The following DTX4 variants were observed in gnomAD, a reference collection of about 807,000 sequenced individuals.
The protein encoded by DTX4 is E3 ubiquitin-protein ligase DTX4.
In DTX4, 28 loss-of-function variants were observed where a neutral mutation model predicts 57.6. The observed-to-expected ratio is 0.49, with a 90% CI of 0.36 to 0.67. DTX4 has a LOEUF of 0.67. Ranked by LOEUF, DTX4 falls within the 30% of genes least tolerant of loss-of-function variation. DTX4 has a pLI of 0.00. For missense variants in DTX4, 715 were observed against 836.8 expected, an observed-to-expected ratio of 0.85 and a Z score of 1.80; for synonymous variants, 316 against 331.0, an observed-to-expected ratio of 0.95 and a Z score of 0.49.
intron 2 of DTX4, among the ~76,000 whole-genome samples, chr11:59,183,896 T>C (rs1319413919): frequency 6.6e-6 from 1 of 152,210 alleles, no homozygotes; most frequent in East Asian, 1.9e-4. Flanking sequence ...TACTCTGTGA[T>C]CTAAGTGTTA....
rs1862495986 is a variant in DTX4 at position 59,183,887 on chromosome 11, A to G, written c.935+1425A>G. On this transcript the variant is annotated intron_variant, in intron 2 of 8. Coordinates refer to ENST00000227451, the MANE Select transcript of DTX4 (RefSeq NM_015177.2). ...TGGCCTCTTGGCAGTGCATTCTCTT[A>G]CTCTGTGATCTAAGTGTTAAGCACA... 2.0e-5 allele frequency among the ~76,000 whole-genome samples: 3 copies of G among 152,078 alleles called. No individual in the cohort carries two copies. The South Asian group carries it at 6.2e-4, about 32-fold the overall frequency.
rs1326628911 is a variant in DTX4, at chr11:59,172,592, C to A, written c.-4C>A. On this transcript the variant is annotated 5_prime_UTR_variant, in exon 1 of 9. It introduces an in-frame stop codon into an upstream open reading frame of the 5' UTR. Coordinates refer to ENST00000227451, the MANE Select transcript of DTX4 (RefSeq NM_015177.2). Reference sequence around the variant, plus strand: ...CCGCGCAGCGCCGCAGCCCCGGGCTCGCCATGCTCCTGGCCTCGGCCGTGG... The same window carrying A: ...CCGCGCAGCGCCGCAGCCCCGGGCTAGCCATGCTCCTGGCCTCGGCCGTGG... 1.8e-5 allele frequency: 27 copies of A among 1,473,328 alleles called. No individual in the cohort carries two copies. Among genetic ancestry groups the A allele is most frequent in the Non-Finnish European group, 2.2e-5 (25 of 1,117,254 alleles). The allele number at this position is 1,473,328 out of a possible 1,614,324, so 91.3% of individuals were successfully genotyped here.
rs761725969 is a variant in DTX4, at chr11:59,182,343, C to A, written c.816C>A (p.Gly272=). ...GCATGCCCACTGGGACAACCATGGG[C>A]TCTCCTGCCAGTCCCCCAGGACCCA... ...ASSMPTGTTM[G]SPASPPGPNS... The change falls in exon 2 of 9, where the codon GGC becomes GGA. Residue 272 remains glycine, a synonymous_variant. Coordinates refer to ENST00000227451, the MANE Select transcript of DTX4 (RefSeq NM_015177.2). The A allele has an allele frequency of 6.2e-7, 1 of 1,613,116 alleles. No homozygotes were observed. The highest frequency in any genetic ancestry group is 8.5e-7 in the Non-Finnish European group (1 of 1,179,832).
chr11:59,171,809 A>G (rs1320410229), upstream of DTX4, among the ~76,000 whole-genome samples: 1 of 151,948 alleles, frequency 6.6e-6, no homozygotes, highest in East Asian at 1.9e-4. Context: ...CGCGCTGCGG[A>G]CACTGATCAT....
Position 59,201,218 on chromosome 11 carries a change from A to G in DTX4, c.1626+1445A>G, listed in dbSNP as rs1055601819. ...TATAAGGGCACTAATGTCATCCATT[A>G]GGGTTCTGCTGTCATTACCTAATCA... is the stretch of plus-strand genomic sequence containing the variant. On this transcript the variant is annotated intron_variant, in intron 8 of 8. Coordinates refer to ENST00000227451, the MANE Select transcript of DTX4 (RefSeq NM_015177.2). Among the ~76,000 whole-genome samples, 5 of 152,178 alleles carry G rather than the reference A, an allele frequency of 3.3e-5. No homozygotes were observed. In the East Asian group the frequency reaches 9.6e-4, roughly 29 times the overall value.
rs747191229 is a variant in DTX4 at position 59,182,435 on chromosome 11, C to G, written c.908C>G (p.Ala303Gly). ...NRTNLQRLAI[A>G]QSRVLIASGV... Reference sequence around the variant, plus strand: ...ACCAACCTGCAGCGACTGGCCATTGCCCAGTCCCGGGTGCTGATCGCCTCT... The same window carrying G: ...ACCAACCTGCAGCGACTGGCCATTGGCCAGTCCCGGGTGCTGATCGCCTCT... The change falls in exon 2 of 9, where the codon GCC (alanine) becomes GGC (glycine). Residue 303 changes from alanine (A) to glycine (G), a missense_variant. Coordinates refer to ENST00000227451, the MANE Select transcript of DTX4 (RefSeq NM_015177.2). The G allele has an allele frequency of 8.1e-6, 13 of 1,610,460 alleles. No individual in the cohort carries two copies. In the African/African-American group the frequency reaches 1.6e-4, roughly 20 times the overall value.
Position 59,188,790 on chromosome 11 carries a change from T to C in DTX4, c.991T>C (p.Leu331=), listed in dbSNP as rs1862559614. The part of the protein sequence containing the change: ...LNGSSPVNPA[L]AGITGILMSA... The stretch of plus-strand genomic sequence containing the variant: ...TGGGTCCAGTCCTGTCAACCCTGCC[T>C]TGGCAGGTAAGAGAAACCCCAGGAT... The change falls in exon 3 of 9, where the codon TTG becomes CTG. Residue 331 remains leucine (L), a synonymous_variant. Coordinates refer to ENST00000227451, the MANE Select transcript of DTX4 (RefSeq NM_015177.2). 2 of 1,613,702 alleles carry C rather than the reference T, an allele frequency of 1.2e-6. No individual in the cohort carries two copies. The highest frequency in any genetic ancestry group is 1.3e-5 in the African/African-American group (1 of 74,922).
chr11:59,177,990 G>A (rs1862416282), intron 1 of DTX4, among the ~76,000 whole-genome samples: 1 of 152,196 alleles, frequency 6.6e-6, no homozygotes, highest in Admixed American at 6.5e-5. Flanking sequence ...CATCAAATTA[G>A]CCACACAAAT....
At chr11:59,173,837 C>T (rs1419158077) in intron 1 of DTX4, among the ~76,000 whole-genome samples, 1 of 152,096 alleles carries the variant, frequency 6.6e-6, no homozygotes, top group African/African-American at 2.4e-5. Context: ...TTGCTCGGTC[C>T]TTGCTTAATC....
chr11:59,188,107 A>G (rs1862549545), intron 2 of DTX4, among the ~76,000 whole-genome samples: 1 of 152,162 alleles, frequency 6.6e-6, no homozygotes, highest in Non-Finnish European at 1.5e-5. Flanking sequence ...CCTTCAACAA[A>G]TATCAATTGA....
chr11:59,189,506 A>G (rs1862570539), intron 4 of DTX4, among the ~76,000 whole-genome samples, 183 bp downstream of exon 4: 1 of 152,238 alleles, frequency 6.6e-6, no homozygotes, highest in East Asian at 1.9e-4. Context: ...TATGGATCAG[A>G]TGGAAACACC....
At chr11:59,202,231 C>T (rs1862748758) in intron 8 of DTX4, among the ~76,000 whole-genome samples, 1 of 152,210 alleles carries the variant, frequency 6.6e-6, no homozygotes, top group Admixed American at 6.5e-5. Flanking sequence ...GTTCCAGGAC[C>T]CTAACCTTGG....
chr11:59,205,044 C>T lies in DTX4; in HGVS notation c.*135C>T. On this transcript the variant is annotated 3_prime_UTR_variant, in exon 9 of 9. Transcript: ENST00000227451. ...CTCCCCTCCTGCCCTGTGTCCATCC[C>T]TCATCCCTCCCAACCACAGTGGGAG... 1 of 714,812 alleles carries T rather than the reference C, an allele frequency of 1.4e-6. No homozygotes were observed. Among genetic ancestry groups the T allele is most frequent in the Non-Finnish European group, 2.3e-6 (1 of 428,794 alleles). 44.3% of individuals were successfully genotyped at this position (714,812 alleles called of 1,614,324 possible).
At position 59,204,674 on chromosome 11, in the gene DTX4, A is replaced by G. The variant is rs770564671; in HGVS notation, c.1627-2A>G. 1.2e-6 allele frequency: 2 copies of G among 1,611,050 alleles called. No homozygotes were observed. The highest frequency in any genetic ancestry group is 8.5e-7 in the Non-Finnish European group (1 of 1,178,642). On this transcript the variant is annotated splice_acceptor_variant, in intron 8 of 8. Coordinates refer to ENST00000227451, the MANE Select transcript of DTX4 (RefSeq NM_015177.2). LOFTEE classifies it high-confidence loss of function. ...TTTCATGTCCCACTTTTATCCCTCT[A>G]GGTTCTGAAGCTGCTGCTCGTGGCC...
At chr11:59,177,795 AT>A (rs1242422070) in intron 1 of DTX4, among the ~76,000 whole-genome samples, 1 of 152,092 alleles carries the variant, frequency 6.6e-6, no homozygotes, top group African/African-American at 2.4e-5. Context: ...AGTCCATGCC[AT>A]TTGTTATTCA....
At chr11:59,199,884 T>A (rs1441298564) in intron 8 of DTX4, 111 bp downstream of exon 8, 7 of 875,346 alleles carry the variant, frequency 8.0e-6, no homozygotes, top group Non-Finnish European at 8.8e-6. Flanking sequence ...CAAAGAGAAC[T>A]GTGTCTCTTT....
At chr11:59,176,657 T>C (rs958948978) in intron 1 of DTX4, among the ~76,000 whole-genome samples, 1 of 152,232 alleles carries the variant, frequency 6.6e-6, no homozygotes, top group Admixed American at 6.5e-5. Flanking sequence ...CATAGATGTG[T>C]GTAACATGCC....
At chr11:59,189,685 T>G (rs1373010522) in intron 4 of DTX4, among the ~76,000 whole-genome samples, 1 of 152,240 alleles carries the variant, frequency 6.6e-6, no homozygotes, top group African/African-American at 2.4e-5. Flanking sequence ...ATGGAGCCCC[T>G]ATTTTCTCAT....
chr11:59,201,238 T>G (rs1862736873), intron 8 of DTX4, among the ~76,000 whole-genome samples: 1 of 152,224 alleles, frequency 6.6e-6, no homozygotes. Flanking sequence ...TGTCATTACC[T>G]AATCACCTCT....
Sources: gnomAD v4.1 joint callset for allele counts (sites outside exome capture counted in the v4.1 genomes callset) on GRCh38, gnomAD v4.1.1 for gene constraint, MANE v1.5 for transcripts, NCBI Gene and HGNC (gene_info 2026-07-23, HGNC 2026-07-21) for gene names.